The following YIPF7 variants were observed in gnomAD, a reference collection of about 807,000 sequenced individuals.
The protein encoded by YIPF7 is protein YIPF7.
A neutral mutation model predicts 27.2 loss-of-function variants in YIPF7; 35 were observed. The observed-to-expected ratio is 1.29, with a 90% CI of 0.98 to 1.70. The LOEUF (loss-of-function observed/expected upper bound fraction) is 1.70, where lower values mean the gene tolerates loss of function less well. Among genes scored for constraint, YIPF7 ranks in the 40% most tolerant of loss-of-function variants. The pLI is 0.00. For synonymous variants in YIPF7, 137 were observed against 110.4 expected (o/e 1.24, Z -1.51); for missense variants, 358 against 303.7 (o/e 1.18, Z -1.33).
intron 2 of YIPF7, among the ~76,000 whole-genome samples, chr4:44,642,141 C>G (rs994541903): frequency 6.6e-6 from 1 of 152,104 alleles, no homozygotes; most frequent in African/African-American, 2.4e-5. Flanking sequence ...TAAACATAAC[C>G]TTCACTGTTA....
At chr4:44,644,003 C>G (rs901904415) in intron 2 of YIPF7, among the ~76,000 whole-genome samples, 5 of 152,110 alleles carry the variant, frequency 3.3e-5, no homozygotes, top group African/African-American at 4.8e-5. Flanking sequence ...CACACAGAGT[C>G]CCTCACAGTG....
intron 2 of YIPF7, among the ~76,000 whole-genome samples, chr4:44,659,761 A>T (rs1412228367): frequency 6.6e-6 from 1 of 152,148 alleles, no homozygotes; most frequent in East Asian, 1.9e-4. Flanking sequence ...TATTCCCTTG[A>T]TTTAGCAAAT....
Position 44,629,531 on chromosome 4 carries a change from C to A in YIPF7, c.298G>T (p.Asp100Tyr). Residue 100 changes from aspartate (D) to tyrosine (Y), a missense_variant, in exon 4 of 6, where the codon GAT becomes TAT. Coordinates refer to ENST00000415895, the MANE Select transcript of YIPF7 (RefSeq NM_182592.3). Reference sequence around the variant, plus strand: ...GTCAAAGTTTTTTGCCATATGTGATCAAAATGGATTCCAAGTTCTGTAAAA... The same window carrying A: ...GTCAAAGTTTTTTGCCATATGTGATAAAAATGGATTCCAAGTTCTGTAAAA... Reference protein sequence around the residue: ...PLLEELGIHFDHIWQKTLTVL... With the variant: ...PLLEELGIHFYHIWQKTLTVL... 1.9e-6 allele frequency: 3 copies of A among 1,539,074 alleles called. No individual in the cohort carries two copies. The highest frequency in any genetic ancestry group is 2.6e-6 in the Non-Finnish European group (3 of 1,143,124).
At chr4:44,652,200 T>A (rs1265954192), upstream of YIPF7, among the ~76,000 whole-genome samples, 1 of 152,192 alleles carries the variant, frequency 6.6e-6, no homozygotes, top group Non-Finnish European at 1.5e-5. Context: ...GAGCCAATCC[T>A]AACCACTGGA....
At chr4:44,641,336 T>C (rs1713318621) in intron 2 of YIPF7, among the ~76,000 whole-genome samples, 1 of 152,184 alleles carries the variant, frequency 6.6e-6, no homozygotes. Context: ...ATGCTTCAAG[T>C]CAGCCATCTT....
intron 5 of YIPF7, 129 bp downstream of exon 5, chr4:44,624,472 C>T: frequency 9.1e-7 from 1 of 1,093,056 alleles, no homozygotes; most frequent in Non-Finnish European, 1.3e-6. Context: ...CTATGAGTAG[C>T]TTTTAATAGC....
Position 44,650,001 on chromosome 4 carries a change from G to A in YIPF7, c.100C>T (p.Leu34Phe), listed in dbSNP as rs377726440. 151 of 1,536,212 alleles carry A rather than the reference G, an allele frequency of 9.8e-5. 3 individuals carry two copies. The East Asian group carries it at 2.0e-3, about 21-fold the overall frequency. ...SGNDSNAYGN[L>F]YGSRKQQAGE... ...AGTACTTACTTTCTAGATCCATAAA[G>A]ATTTCCATAGGCATTAGAGTCATTA... Residue 34 changes from leucine to phenylalanine, a missense_variant, in exon 2 of 6, where the codon CTT becomes TTT. Transcript: ENST00000415895.
intron 2 of YIPF7, among the ~76,000 whole-genome samples, chr4:44,648,476 G>T (rs1052772711): frequency 6.6e-6 from 1 of 151,982 alleles, no homozygotes. Context: ...AGGATCCAAT[G>T]AATTAATTTA....
intron 5 of YIPF7, among the ~76,000 whole-genome samples, chr4:44,623,996 A>G (rs1007693653): frequency 6.6e-6 from 1 of 151,976 alleles, no homozygotes; most frequent in Admixed American, 6.5e-5. Flanking sequence ...TATTTTACAC[A>G]TGACAATAGT....
intron 3 of YIPF7, among the ~76,000 whole-genome samples, chr4:44,635,505 T>G (rs1277863304): frequency 6.6e-6 from 1 of 152,146 alleles, no homozygotes; most frequent in African/African-American, 2.4e-5. Flanking sequence ...AAATATTAAT[T>G]TGAGAAAATA....
chr4:44,629,143 C>A (rs1712781767), intron 4 of YIPF7: 1 of 302,304 alleles, frequency 3.3e-6, no homozygotes, highest in Admixed American at 5.0e-5. Flanking sequence ...ACAGTCTTTT[C>A]TTAATAACAA....
Position 44,625,526 on chromosome 4 carries a change from T to C in YIPF7, c.427-744A>G, listed in dbSNP as rs1478124295. Among the ~76,000 whole-genome samples the C allele has an allele frequency of 5.3e-5, 8 of 152,326 alleles. No individual in the cohort carries two copies. In the East Asian group the frequency reaches 1.3e-3, roughly 26 times the overall value. Reference sequence around the variant, plus strand: ...GAATCCTTTTATGTTTCATGATACCTATTGCCAGGTTGATTAACCACACCT... The same window carrying C: ...GAATCCTTTTATGTTTCATGATACCCATTGCCAGGTTGATTAACCACACCT... On this transcript the variant is annotated intron_variant, in intron 4 of 5. Transcript: ENST00000415895.
intron 2 of YIPF7, among the ~76,000 whole-genome samples, chr4:44,659,414 T>C (rs537245898): frequency 2.0e-5 from 3 of 152,092 alleles, no homozygotes; most frequent in Non-Finnish European, 4.4e-5. Context: ...GTGCTGACAA[T>C]TGGATCAGGG....
chr4:44,640,151 T>C (rs1221239470), intron 2 of YIPF7, among the ~76,000 whole-genome samples: 4 of 152,210 alleles, frequency 2.6e-5, no homozygotes, highest in Non-Finnish European at 4.4e-5. Context: ...CTAGTTTTTG[T>C]TGTTGTTGTG....
intron 4 of YIPF7, among the ~76,000 whole-genome samples, chr4:44,628,110 C>T (rs1024339958): frequency 6.6e-6 from 1 of 152,082 alleles, no homozygotes; most frequent in South Asian, 2.1e-4. Flanking sequence ...CCTTACTTAG[C>T]AGTTAATCTA....
chr4:44,649,915 T>A (rs1577743740), intron 2 of YIPF7, 70 bp downstream of exon 2: 1 of 845,762 alleles, frequency 1.2e-6, no homozygotes, highest in East Asian at 2.7e-5. Context: ...ATATATTGAA[T>A]TTTTACAATA....
chr4:44,649,651 C>T (rs562108954), intron 2 of YIPF7, among the ~76,000 whole-genome samples: 7 of 151,652 alleles, frequency 4.6e-5, no homozygotes, highest in South Asian at 2.1e-4. Flanking sequence ...TGGTGGCACA[C>T]GCCTATAATC....
chr4:44,629,004 C>A (rs1712774925), intron 4 of YIPF7, among the ~76,000 whole-genome samples: 1 of 152,090 alleles, frequency 6.6e-6, no homozygotes, highest in Non-Finnish European at 1.5e-5. Context: ...TATATCACAG[C>A]AAAGAAGATG....
chr4:44,654,069 G>A (rs906437840), upstream of YIPF7, among the ~76,000 whole-genome samples: 3 of 151,962 alleles, frequency 2.0e-5, no homozygotes, highest in African/African-American at 4.8e-5. Flanking sequence ...TATAAACCAT[G>A]GAACATTGAA....
Sources: allele counts gnomAD v4.1 joint callset (sites outside exome capture counted in the v4.1 genomes callset), GRCh38; gene constraint gnomAD v4.1.1; transcripts MANE v1.5; gene names NCBI Gene and HGNC (gene_info 2026-07-23, HGNC 2026-07-21).